KIAA1549L: variants seen among roughly 807,000 people sequenced by gnomAD.
KIAA1549L encodes UPF0606 protein KIAA1549L.
Under a neutral mutation model 160.7 loss-of-function variants are expected in KIAA1549L, and 88 were observed. The ratio of observed to expected loss-of-function variants is 0.55; its 90% CI spans 0.46 to 0.65. The LOEUF (loss-of-function observed/expected upper bound fraction) is 0.65, where lower values mean the gene tolerates loss of function less well. Ranked by LOEUF, KIAA1549L falls within the 30% of genes least tolerant of loss-of-function variation. The pLI, the probability that KIAA1549L is intolerant of heterozygous loss-of-function variation, is 0.00. For missense variants in KIAA1549L, 2,258 were observed against 2,437.5 expected, an observed-to-expected ratio of 0.93 and a Z score of 1.55; for synonymous variants, 950 against 976.7, an observed-to-expected ratio of 0.97 and a Z score of 0.51.
intron 1 of KIAA1549L, among the ~76,000 whole-genome samples, chr11:33,380,439 G>T (rs932917162): frequency 6.6e-6 from 1 of 152,182 alleles, no homozygotes; most frequent in African/African-American, 2.4e-5. Context: ...TGATACCAAA[G>T]AATTTCTTCT....
chr11:33,617,133 C>CA (rs59233344), intron 15 of KIAA1549L, among the ~76,000 whole-genome samples: 7,345 of 89,458 alleles, frequency 0.082, 212 homozygotes, highest in Middle Eastern at 0.13. Context: ...GAGATTCTAT[C>CA]AAAAAAAAAA....
intron 1 of KIAA1549L, among the ~76,000 whole-genome samples, chr11:33,508,386 G>A (rs1853143222): frequency 1.3e-5 from 2 of 152,150 alleles, no homozygotes; most frequent in South Asian, 4.1e-4. Flanking sequence ...TCATTTTACT[G>A]CCTGCTGGAC....
chr11:33,445,131 A>G (rs1851585316), intron 1 of KIAA1549L, among the ~76,000 whole-genome samples: 1 of 152,176 alleles, frequency 6.6e-6, no homozygotes, highest in African/African-American at 2.4e-5. Flanking sequence ...CAGTTGGATG[A>G]GGGACCAAGG....
chr11:33,462,763 T>C (rs2133002598), intron 1 of KIAA1549L, among the ~76,000 whole-genome samples: 1 of 150,600 alleles, frequency 6.6e-6, no homozygotes, highest in Non-Finnish European at 1.5e-5. Flanking sequence ...CCTTGATTCT[T>C]AGCTGCACAT....
At chr11:33,450,277 G>A (rs192036840) in intron 1 of KIAA1549L, among the ~76,000 whole-genome samples, 30 of 152,264 alleles carry the variant, frequency 2.0e-4, no homozygotes, top group South Asian at 4.1e-4. Flanking sequence ...AGAAAACTGG[G>A]TTGGGCACAG....
chr11:33,547,742 A>G (rs554174386), intron 3 of KIAA1549L, 22 bp from the exon 4 acceptor site: 6 of 1,497,990 alleles, frequency 4.0e-6, no homozygotes, highest in African/African-American at 1.4e-5. Flanking sequence ...CCTGATTGCC[A>G]TGCTTCTATT....
Position 33,672,098 on chromosome 11 carries a change from A to G in KIAA1549L, c.*3944A>G, listed in dbSNP as rs1852688885. 1 of 152,274 alleles carries G rather than the reference A, an allele frequency of 6.6e-6. No individual in the cohort carries two copies. The highest frequency in any genetic ancestry group is 1.5e-5 in the Non-Finnish European group (1 of 68,058). The allele number at this position is 152,274 out of a possible 1,614,324, so 9.4% of individuals were successfully genotyped here. On this transcript the variant is annotated 3_prime_UTR_variant, in exon 21 of 21. Transcript: ENST00000658780. Reference sequence around the variant, plus strand: ...TAGAGGGACATTTCACAAACACAGAACACGGCTCCCCTACAGGAAAGGGAT... The same window carrying G: ...TAGAGGGACATTTCACAAACACAGAGCACGGCTCCCCTACAGGAAAGGGAT...
At chr11:33,435,798 ATATATATATATATG>A (rs1284054348) in intron 1 of KIAA1549L, among the ~76,000 whole-genome samples, 21 of 7,608 alleles carry the variant, frequency 2.8e-3, no homozygotes, top group Admixed American at 0.013. Context: ...ATATATATAT[ATATATATATATATG>A]TGTGTGTATA....
At chr11:33,430,587 A>G (rs1226494515) in intron 1 of KIAA1549L, among the ~76,000 whole-genome samples, 1 of 152,206 alleles carries the variant, frequency 6.6e-6, no homozygotes, top group Non-Finnish European at 1.5e-5. Context: ...AGTATGGTGA[A>G]GCTTTGAAGC....
intron 1 of KIAA1549L, among the ~76,000 whole-genome samples, chr11:33,441,790 A>G (rs996481667): frequency 9.7e-4 from 147 of 151,926 alleles, no homozygotes; most frequent in Non-Finnish European, 1.6e-3. Context: ...TTGTAAATTT[A>G]TTTGAGTTCA....
intron 1 of KIAA1549L, among the ~76,000 whole-genome samples, chr11:33,539,939 A>G (rs1853977672): frequency 6.6e-6 from 1 of 152,232 alleles, no homozygotes; most frequent in South Asian, 2.1e-4. Flanking sequence ...TCTTCATGAG[A>G]CATTTGGAAT....
intron 20 of KIAA1549L, among the ~76,000 whole-genome samples, chr11:33,663,737 G>A (rs1327083993): frequency 6.6e-6 from 1 of 152,154 alleles, no homozygotes; most frequent in Non-Finnish European, 1.5e-5. Flanking sequence ...CAGGTTCTGA[G>A]AGACTCCCTG....
intron 1 of KIAA1549L, among the ~76,000 whole-genome samples, chr11:33,382,486 A>T (rs924764813): frequency 1.3e-5 from 2 of 152,104 alleles, no homozygotes; most frequent in Admixed American, 6.5e-5. Context: ...GACAATTCTT[A>T]TGAAGTTTTT....
intron 1 of KIAA1549L, among the ~76,000 whole-genome samples, chr11:33,517,342 T>TG (rs1853370533): frequency 6.6e-6 from 1 of 152,136 alleles, no homozygotes; most frequent in East Asian, 1.9e-4. Context: ...CCTCTGTAGC[T>TG]GGGGGAGCTG....
chr11:33,421,902 TGA>T (rs1851019848), intron 1 of KIAA1549L, among the ~76,000 whole-genome samples: 1 of 152,076 alleles, frequency 6.6e-6, no homozygotes, highest in South Asian at 2.1e-4. Flanking sequence ...TACCAAGAGT[TGA>T]TTGAGTGGAT....
chr11:33,387,575 G>A (rs1291527303), intron 1 of KIAA1549L, among the ~76,000 whole-genome samples: 3 of 152,028 alleles, frequency 2.0e-5, no homozygotes, highest in Non-Finnish European at 4.4e-5. Flanking sequence ...CAAAGTGCTG[G>A]GATTATAGGC....
chr11:33,478,641 T>A (rs1364579876), intron 1 of KIAA1549L, among the ~76,000 whole-genome samples: 12 of 152,240 alleles, frequency 7.9e-5, no homozygotes, highest in Admixed American at 7.9e-4. Context: ...TTTTGCTTTA[T>A]ATGGACAGAT....
rs749957132 is a variant in KIAA1549L at position 33,543,158 on chromosome 11, A to G, written c.1595A>G (p.Asp532Gly). Residue 532 changes from aspartate (D) to glycine (G), a missense_variant, in exon 2 of 21, where the codon GAT becomes GGT. By Grantham distance (94) the Asp-to-Gly change is moderately conservative. This residue lies in a region of KIAA1549L where 540 missense variants were observed against 465.7 expected (regional missense o/e 1.16). Transcript: ENST00000658780. ...EMPTLPAEGS[D>G]GSPPATRDLL... ...CCCACTCTTCCAGCAGAGGGCAGTG[A>G]TGGGTCCCCTCCTGCAACTAGAGAC... The G allele has an allele frequency of 6.2e-7, 1 of 1,613,880 alleles. No individual in the cohort carries two copies.
At chr11:33,462,683 C>G (rs1458304176) in intron 1 of KIAA1549L, among the ~76,000 whole-genome samples, 2 of 152,126 alleles carry the variant, frequency 1.3e-5, no homozygotes, top group African/African-American at 4.8e-5. Flanking sequence ...CAGTGACTTT[C>G]AGCAAATTTC....
Sources: gnomAD v4.1 joint callset for allele counts (sites outside exome capture counted in the v4.1 genomes callset) on GRCh38, gnomAD v4.1.1 for gene constraint, gnomAD v4.1.1 regional missense constraint, MANE v1.5 for transcripts, NCBI Gene and HGNC (gene_info 2026-07-23, HGNC 2026-07-21) for gene names.